Variants in MYO1D observed in about 807,000 individuals in gnomAD.
MYO1D encodes the protein unconventional myosin-Id.
A neutral mutation model predicts 122.0 loss-of-function variants in MYO1D; 83 were observed. The ratio of observed to expected loss-of-function variants is 0.68; its 90% CI spans 0.57 to 0.82. The LOEUF is 0.82. Among genes scored for constraint, MYO1D ranks in the 40% least tolerant of loss-of-function variants. The pLI is 0.00. For synonymous variants in MYO1D, 464 were observed against 446.9 expected (o/e 1.04, Z -0.48); for missense variants, 1,157 against 1,269.5 (o/e 0.91, Z 1.35).
Position 32,494,857 on chromosome 17 carries a change from T to C in MYO1D, c.2923A>G (p.Lys975Glu). The C allele has an allele frequency of 6.2e-7, 1 of 1,613,972 alleles. No homozygotes were observed. Among genetic ancestry groups the C allele is most frequent in the Non-Finnish European group, 8.5e-7 (1 of 1,179,944 alleles). ...GTCTCCACGGAGACGGTGCACTTCT[T>C]CCCGTGCAGGCTGCACTGTACTGGG... ...TNPVQCSLHG[K>E]KCTVSVETRL... Residue 975 changes from lysine (K) to glutamate (E), a missense_variant, in exon 22 of 22, where the codon AAG (lysine) becomes GAG (glutamate). Coordinates refer to ENST00000318217, the MANE Select transcript of MYO1D (RefSeq NM_015194.3).
At chr17:32,672,945 C>T (rs893892213) in intron 16 of MYO1D, among the ~76,000 whole-genome samples, 1 of 151,876 alleles carries the variant, frequency 6.6e-6, no homozygotes, top group African/African-American at 2.4e-5. Context: ...AGGCAGAGAG[C>T]ATGGTTTGTT....
chr17:32,706,559 T>C (rs1053755309), intron 16 of MYO1D, among the ~76,000 whole-genome samples: 2 of 152,206 alleles, frequency 1.3e-5, no homozygotes, highest in African/African-American at 4.8e-5. Flanking sequence ...CTGAAATACA[T>C]TCATGAATGT....
intron 20 of MYO1D, among the ~76,000 whole-genome samples, chr17:32,623,631 C>T (rs1255949100): frequency 2.6e-5 from 4 of 152,158 alleles, no homozygotes; most frequent in African/African-American, 4.8e-5. Context: ...GATACAGATA[C>T]GCGATCATGA....
At chr17:32,818,219 A>G (rs2090630379) in intron 1 of MYO1D, among the ~76,000 whole-genome samples, 1 of 151,578 alleles carries the variant, frequency 6.6e-6, no homozygotes, top group Non-Finnish European at 1.5e-5. Context: ...TTCTAGAGCC[A>G]GTGCTTTTAA....
chr17:32,634,061 T>G (rs1381162481), intron 20 of MYO1D, among the ~76,000 whole-genome samples: 1 of 152,236 alleles, frequency 6.6e-6, no homozygotes, highest in Non-Finnish European at 1.5e-5. Context: ...TGGCATATAA[T>G]GAACACTTAG....
chr17:32,512,293 T>C (rs951865077), intron 21 of MYO1D, among the ~76,000 whole-genome samples: 2 of 148,238 alleles, frequency 1.3e-5, no homozygotes, highest in Non-Finnish European at 3.0e-5. Context: ...AGAGTGAAAC[T>C]CTTATCTCAT....
At chr17:32,760,771 G>A in intron 8 of MYO1D, 144 bp from the exon 9 acceptor site, 1 of 828,786 alleles carries the variant, frequency 1.2e-6, no homozygotes, top group Non-Finnish European at 1.8e-6. Context: ...TGAAAATGTA[G>A]ACTGTCCATT....
At chr17:32,600,953 C>CTTT (rs59778193) in intron 21 of MYO1D, among the ~76,000 whole-genome samples, 6 of 141,646 alleles carry the variant, frequency 4.2e-5, no homozygotes, top group Non-Finnish European at 3.1e-5. Flanking sequence ...TTTCTTTTCC[C>CTTT]TTTTTTTTTT....
Position 32,693,384 on chromosome 17 carries a change from T to TA in MYO1D, c.2121+18603dup, listed in dbSNP as rs200326686. On this transcript the variant is annotated intron_variant, in intron 16 of 21. Coordinates refer to ENST00000318217, the MANE Select transcript of MYO1D (RefSeq NM_015194.3). ...TGTCTTGGAAAGGGAACACCTCAAGTAAAAAAAAAAAAAAAAGTGGTGAGG... is the reference window on the plus strand; with the variant it reads ...TGTCTTGGAAAGGGAACACCTCAAGTAAAAAAAAAAAAAAAAAGTGGTGAGG... 8.5e-3 allele frequency among the ~76,000 whole-genome samples: 990 copies of TA among 116,214 alleles called. 10 individuals are homozygous for TA. The highest frequency in any genetic ancestry group is 1.0e-2 in the Admixed American group (114 of 11,438). The allele number at this position is 116,214 out of a possible 152,430, so 76.2% of individuals were successfully genotyped here.
At chr17:32,670,241 G>T (rs1018326214) in intron 16 of MYO1D, among the ~76,000 whole-genome samples, 7 of 152,122 alleles carry the variant, frequency 4.6e-5, no homozygotes, top group African/African-American at 1.7e-4. Context: ...AAATATCATT[G>T]TATCAGTGTG....
rs1340233285 is a variant in MYO1D, at chr17:32,778,528, T to G, written c.350A>C (p.Gln117Pro). The stretch of plus-strand genomic sequence containing the variant: ...GGGGTTGGTGATGGCCGCAATATAC[T>G]GCATAATGTACTTACTGGCTTCCGT... Reference protein sequence around the residue: ...GKTEASKYIMQYIAAITNPSQ... With the variant: ...GKTEASKYIMPYIAAITNPSQ... The change falls in exon 3 of 22, where the codon CAG (glutamine) becomes CCG (proline). Residue 117 changes from glutamine to proline, a missense_variant. Coordinates refer to ENST00000318217, the MANE Select transcript of MYO1D (RefSeq NM_015194.3). 1 of 1,614,020 alleles carries G rather than the reference T, an allele frequency of 6.2e-7. No individual in the cohort carries two copies. The highest frequency in any genetic ancestry group is 1.3e-5 in the African/African-American group (1 of 74,938).
chr17:32,762,907 G>A (rs981557142), intron 8 of MYO1D, among the ~76,000 whole-genome samples: 4 of 150,296 alleles, frequency 2.7e-5, no homozygotes, highest in African/African-American at 9.8e-5. Flanking sequence ...ACAAAAAAAC[G>A]GCCGGGTGCG....
Position 32,546,909 on chromosome 17 carries a change from C to CTT in MYO1D, c.2865-51996_2865-51995dup, listed in dbSNP as rs11410191. Among the ~76,000 whole-genome samples the CTT allele has an allele frequency of 1.7e-3, 234 of 138,458 alleles. 1 individual carries two copies. The highest frequency in any genetic ancestry group is 7.3e-3 in the Middle Eastern group (2 of 274). The allele number at this position is 138,458 out of a possible 152,430, so 90.8% of individuals were successfully genotyped here. A position where few individuals can be genotyped will look rare whatever the true frequency, so the allele number is the denominator to read the frequency against. On this transcript the variant is annotated intron_variant, in intron 21 of 21. Coordinates refer to ENST00000318217, the MANE Select transcript of MYO1D (RefSeq NM_015194.3). ...CTGGCCAAGTCACAAAAATAAGAAC[C>CTT]TTTTTTTTTTTTTTTTAGAGACAGG...
At chr17:32,845,526 AGG>A (rs1469545179) in intron 1 of MYO1D, among the ~76,000 whole-genome samples, 2 of 152,144 alleles carry the variant, frequency 1.3e-5, no homozygotes, top group East Asian at 3.9e-4. Context: ...TGAAGATGGC[AGG>A]GAAGTATAAT....
rs914871420 is a variant in MYO1D, at chr17:32,543,591, T to C, written c.2865-48676A>G. On this transcript the variant is annotated intron_variant, in intron 21 of 21. Transcript: ENST00000318217. Reference sequence around the variant, plus strand: ...TCTGTCTCAAAAACAAACAAATAAATAAATAAATAAAAAATAAAAATAAAA... The same window carrying C: ...TCTGTCTCAAAAACAAACAAATAAACAAATAAATAAAAAATAAAAATAAAA... Among the ~76,000 whole-genome samples the C allele has an allele frequency of 1.6e-4, 15 of 95,180 alleles. 1 individual carries two copies. The highest frequency in any genetic ancestry group is 5.4e-4 in the South Asian group (2 of 3,688). The allele number at this position is 95,180 out of a possible 152,430, so 62.4% of individuals were successfully genotyped here.
At chr17:32,830,621 T>C (rs1260947660) in intron 1 of MYO1D, among the ~76,000 whole-genome samples, 3 of 152,208 alleles carry the variant, frequency 2.0e-5, no homozygotes, top group Non-Finnish European at 4.4e-5. Context: ...TAAAATCATA[T>C]AGGCATTTAT....
At chr17:32,755,765 G>T in intron 10 of MYO1D, 103 bp from the exon 11 acceptor site, 3 of 945,318 alleles carry the variant, frequency 3.2e-6, no homozygotes, top group Non-Finnish European at 4.6e-6. Context: ...AAACTACTTT[G>T]GTGTCAAATG....
Position 32,583,235 on chromosome 17 carries a change from C to T in MYO1D, c.2864+21852G>A, listed in dbSNP as rs753463525. ...GCTCTCTTGCTTGCATTGTTTCCAACGAGAAATCCTCTGTCATCTTATCCT... is the reference window on the plus strand; with the variant it reads ...GCTCTCTTGCTTGCATTGTTTCCAATGAGAAATCCTCTGTCATCTTATCCT... On this transcript the variant is annotated intron_variant, in intron 21 of 21. Coordinates refer to ENST00000318217, the MANE Select transcript of MYO1D (RefSeq NM_015194.3). Among the ~76,000 whole-genome samples, 19 of 152,164 alleles carry T rather than the reference C, an allele frequency of 1.2e-4. No homozygotes were observed. The East Asian group carries it at 2.1e-3, about 17-fold the overall frequency.
intron 10 of MYO1D, among the ~76,000 whole-genome samples, chr17:32,757,912 C>A (rs1239290956): frequency 6.6e-6 from 1 of 152,082 alleles, no homozygotes; most frequent in East Asian, 1.9e-4. Flanking sequence ...CATACCCACT[C>A]CAGATAAAAC....
Sources: allele counts gnomAD v4.1 joint callset (sites outside exome capture counted in the v4.1 genomes callset), GRCh38; gene constraint gnomAD v4.1.1; transcripts MANE v1.5; gene names NCBI Gene and HGNC (gene_info 2026-07-23, HGNC 2026-07-21).